SLC20A2: variants seen among roughly 807,000 people sequenced by gnomAD.
The protein encoded by SLC20A2 is solute carrier family 20 member 2.
In SLC20A2, 30 loss-of-function variants were observed where a neutral mutation model predicts 61.0. The observed-to-expected ratio is 0.49, with a 90% confidence interval of 0.37 to 0.67. The LOEUF (loss-of-function observed/expected upper bound fraction) is 0.67, where lower values mean the gene tolerates loss of function less well. SLC20A2 is among the 30% of genes least tolerant of loss of function. SLC20A2 has a pLI of 0.00. For synonymous variants in SLC20A2, 351 were observed against 353.3 expected, an observed-to-expected ratio of 0.99 and a Z score of 0.07; for missense variants, 626 against 866.4, an observed-to-expected ratio of 0.72 and a Z score of 3.48.
intron 1 of SLC20A2, among the ~76,000 whole-genome samples, chr8:42,498,243 G>A (rs1253273421): frequency 6.6e-6 from 1 of 152,182 alleles, no homozygotes; most frequent in African/African-American, 2.4e-5. Context: ...TTGCAACAGA[G>A]GACTGAGAGT....
At position 42,472,563 on chromosome 8, in the gene SLC20A2, C is replaced by T. The variant is rs1807727555; in HGVS notation, c.-173G>A. On this transcript the variant is annotated 5_prime_UTR_variant, in exon 2 of 11. Transcript: ENST00000520262. This position sits in a 1 kb window ranked among gnomAD's most constrained non-coding sequence, Gnocchi z 4.1. ...CTGCTAGCTGCTGGTTTGCAAACTA[C>T]TGTCAGGACAGTTCATTTGGTTGTG... is the stretch of plus-strand genomic sequence containing the variant. 3.3e-6 allele frequency: 2 copies of T among 609,498 alleles called. No individual in the cohort carries two copies. Among genetic ancestry groups the T allele is most frequent in the South Asian group, 2.0e-5 (1 of 48,952 alleles). The allele number at this position is 609,498 out of a possible 1,614,324, so 37.8% of individuals were successfully genotyped here.
chr8:42,444,678 A>G lies in SLC20A2; in HGVS notation c.698T>C (p.Phe233Ser), dbSNP rs111879775. The G allele has an allele frequency of 1.4e-5, 22 of 1,613,844 alleles. No homozygotes were observed. The highest frequency in any genetic ancestry group is 1.8e-5 in the Non-Finnish European group (21 of 1,179,868). ...TTTCCTCCGCATCCACGGACACACG[A>G]AGAGCCACACAAAAAAAGCGAACAG... ...ALLFAFFVWLFVCPWMRRKIT... is the reference protein window; with the variant it reads ...ALLFAFFVWLSVCPWMRRKIT... The change falls in exon 6 of 11, where the codon TTC becomes TCC. Residue 233 changes from phenylalanine to serine, a missense_variant. Physicochemically the swap from Phe to Ser is radical, Grantham distance 155. Coordinates refer to ENST00000520262, the MANE Select transcript of SLC20A2 (RefSeq NM_001257180.2).
intron 6 of SLC20A2, among the ~76,000 whole-genome samples, 181 bp from the exon 7 acceptor site, chr8:42,439,834 C>T (rs375103440): frequency 6.6e-6 from 1 of 151,782 alleles, no homozygotes; most frequent in Non-Finnish European, 1.5e-5. Flanking sequence ...CACCTGTAAT[C>T]CCAGCACTTT....
chr8:42,514,473 C>T (rs1563540180), intron 1 of SLC20A2, among the ~76,000 whole-genome samples: 1 of 152,044 alleles, frequency 6.6e-6, no homozygotes, highest in South Asian at 2.1e-4. Flanking sequence ...AAAGCCCTCC[C>T]CTGGCTGGGC....
intron 2 of SLC20A2, among the ~76,000 whole-genome samples, chr8:42,469,328 C>T (rs1370029278): frequency 6.6e-6 from 1 of 150,988 alleles, no homozygotes; most frequent in Admixed American, 6.6e-5. Flanking sequence ...TAACCACATA[C>T]CAAAAAAAAA....
chr8:42,466,484 T>C (rs6999515), intron 2 of SLC20A2, among the ~76,000 whole-genome samples: 1 of 152,096 alleles, frequency 6.6e-6, no homozygotes, highest in Admixed American at 6.5e-5. Context: ...CTGGGGTGAA[T>C]TTTGGCCAAA....
At chr8:42,514,160 A>T (rs1234653733) in intron 1 of SLC20A2, among the ~76,000 whole-genome samples, 3 of 152,222 alleles carry the variant, frequency 2.0e-5, no homozygotes, top group Non-Finnish European at 2.9e-5. Context: ...GTTATTTGTT[A>T]GCAATAATAA....
chr8:42,533,663 T>TTTTTTTTTTTTTTTTTTTTTTC, intron 1 of SLC20A2, among the ~76,000 whole-genome samples: 1 of 123,536 alleles, frequency 8.1e-6, no homozygotes, highest in Non-Finnish European at 1.7e-5. Context: ...TCTTTTTTTT[T>TTTTTTTTTTTTTTTTTTTTTTC]TTTTTTTTTT....
intron 8 of SLC20A2, among the ~76,000 whole-genome samples, chr8:42,432,162 T>C (rs1472839454): frequency 2.0e-5 from 3 of 152,198 alleles, no homozygotes; most frequent in South Asian, 2.1e-4. Context: ...CCATTCCAGA[T>C]GCCATTAGAA....
chr8:42,424,247 T>C (rs529757781), intron 10 of SLC20A2, among the ~76,000 whole-genome samples: 1 of 152,160 alleles, frequency 6.6e-6, no homozygotes, highest in East Asian at 1.9e-4. Flanking sequence ...GATGAACGAA[T>C]TGCTGAAACA....
rs925223026 is a variant in SLC20A2, at chr8:42,522,031, A to G, written c.-265+19790T>C. ...GTGAGTCTGTAATCATTTAAAAACA[A>G]AAAGTTTTTTAAAAGTTTGTGAAGA... is the stretch of plus-strand genomic sequence containing the variant. On this transcript the variant is annotated intron_variant, in intron 1 of 10. Transcript: ENST00000342228. Among the ~76,000 whole-genome samples the G allele has an allele frequency of 3.3e-4, 39 of 117,406 alleles. 12 individuals carry two copies. The highest frequency in any genetic ancestry group is 7.4e-3 in the Middle Eastern group (2 of 272). 77.0% of individuals were successfully genotyped at this position (117,406 alleles called of 152,430 possible). A position where few individuals can be genotyped will look rare whatever the true frequency, so the allele number is the denominator to read the frequency against.
In SLC20A2 at chr8:42,437,655, T is replaced by C; in HGVS notation, c.935-78A>G. On this transcript the variant is annotated intron_variant, in intron 7 of 10. Transcript: ENST00000520262. The surrounding 1 kb of genome is among the most constrained non-coding windows in gnomAD (Gnocchi z 6.4). ...TTCTTTTTGAGACGGAGCCTTGCTC[T>C]GTCCTCAGGGTGGAGTACAATGGCG... The C allele has an allele frequency of 2.4e-6, 3 of 1,241,022 alleles. No individual in the cohort carries two copies. Among genetic ancestry groups the C allele is most frequent in the Non-Finnish European group, 3.3e-6 (3 of 919,718 alleles). The allele number at this position is 1,241,022 out of a possible 1,614,324, so 76.9% of individuals were successfully genotyped here.
chr8:42,489,494 T>C (rs1049819253), intron 1 of SLC20A2, among the ~76,000 whole-genome samples: 1 of 151,702 alleles, frequency 6.6e-6, no homozygotes, highest in African/African-American at 2.4e-5. Flanking sequence ...CTTATAATTT[T>C]TCATTGAAAA....
intron 1 of SLC20A2, among the ~76,000 whole-genome samples, chr8:42,474,410 T>C (rs1807895619): frequency 6.6e-6 from 1 of 152,158 alleles, no homozygotes; most frequent in Non-Finnish European, 1.5e-5. Context: ...ACATTGATAG[T>C]TGTTATCATT....
chr8:42,518,097 C>T (rs1586254391), intron 1 of SLC20A2, among the ~76,000 whole-genome samples: 3 of 152,280 alleles, frequency 2.0e-5, no homozygotes, highest in East Asian at 3.9e-4. Context: ...CGTGCCACCA[C>T]GCCCAGCTAA....
At chr8:42,480,493 A>T (rs141809990) in intron 1 of SLC20A2, 1 of 152,252 alleles carries the variant, frequency 6.6e-6, no homozygotes, top group Non-Finnish European at 1.5e-5. Context: ...CAGGGCCTCA[A>T]TTTTTCTCCA....
chr8:42,511,305 T>C (rs1055826596), intron 1 of SLC20A2, among the ~76,000 whole-genome samples: 4 of 152,208 alleles, frequency 2.6e-5, no homozygotes, highest in African/African-American at 7.2e-5. Flanking sequence ...TAAATGGGTA[T>C]GATCTGTTTC....
chr8:42,520,059 G>A (rs947150355), intron 1 of SLC20A2, among the ~76,000 whole-genome samples: 6 of 137,508 alleles, frequency 4.4e-5, no homozygotes, highest in African/African-American at 1.6e-4. Flanking sequence ...TGTTGCCTAG[G>A]CTGGAGTGTA....
At chr8:42,500,803 A>G (rs78300171) in intron 1 of SLC20A2, among the ~76,000 whole-genome samples, 1,847 of 152,328 alleles carry the variant, frequency 0.012, 41 homozygotes, top group African/African-American at 0.043. Flanking sequence ...TTTTGCAAAA[A>G]TAAGTAAGAA....
Sources: allele counts gnomAD v4.1 joint callset (sites outside exome capture counted in the v4.1 genomes callset), GRCh38; gene constraint gnomAD v4.1.1; non-coding constraint Gnocchi (gnomAD v3.1); transcripts MANE v1.5; gene names NCBI Gene and HGNC (gene_info 2026-07-23, HGNC 2026-07-21).